The following RPS24 variants were observed in gnomAD, a reference collection of about 807,000 sequenced individuals.
RPS24 encodes the protein ribosomal protein S24, also known as small ribosomal subunit protein eS24.
For synonymous variants in RPS24, 72 were observed against 55.6 expected (o/e 1.30, Z -1.31); for missense variants, 100 against 162.5 (o/e 0.62, Z 2.09).
intron 3 of RPS24, 25 bp downstream of exon 3, chr10:78,035,745 C>T: frequency 6.3e-7 from 1 of 1,578,562 alleles, no homozygotes; most frequent in Non-Finnish European, 8.6e-7. Flanking sequence ...ATTTGTTGAT[C>T]AGCTCCTGAA....
chr10:78,050,921 T>C (rs1848092945), intron 4 of RPS24, among the ~76,000 whole-genome samples: 1 of 152,176 alleles, frequency 6.6e-6, no homozygotes, highest in South Asian at 2.1e-4. Flanking sequence ...GCCCGGCAGG[T>C]GTCTCATGCT....
At chr10:78,052,938 G>A (rs923324781) in intron 4 of RPS24, among the ~76,000 whole-genome samples, 2 of 152,086 alleles carry the variant, frequency 1.3e-5, no homozygotes, top group Admixed American at 6.6e-5. Context: ...GATCACCTGA[G>A]GTCAGGAGTT....
At chr10:78,048,413 G>A (rs1299201120) in intron 4 of RPS24, among the ~76,000 whole-genome samples, 4 of 152,062 alleles carry the variant, frequency 2.6e-5, no homozygotes, top group East Asian at 1.9e-4. Flanking sequence ...CTATACTCTC[G>A]GTGACTGCTC....
intron 1 of RPS24, chr10:78,034,339 G>C (rs1324914976): frequency 4.0e-6 from 1 of 250,508 alleles, no homozygotes; most frequent in African/African-American, 2.2e-5. Context: ...ATTCCCACGT[G>C]TAAGCTAGAA....
At chr10:78,037,794 C>A in intron 4 of RPS24, 1 of 406,388 alleles carries the variant, frequency 2.5e-6, no homozygotes, top group Non-Finnish European at 4.2e-6. Context: ...TAGCGATAAG[C>A]AGCTTTTTAC....
chr10:78,035,357 C>T lies in RPS24; in HGVS notation c.9C>T (p.Asp3=), dbSNP rs557154502. 13 of 1,614,060 alleles carry T rather than the reference C, an allele frequency of 8.1e-6. No individual in the cohort carries two copies. Among genetic ancestry groups the T allele is most frequent in the Non-Finnish European group, 1.1e-5 (13 of 1,179,922 alleles). Residue 3 remains aspartate (D), a synonymous_variant, in exon 2 of 6, where the codon GAC becomes GAT. Coordinates refer to ENST00000372360, the MANE Select transcript of RPS24 (RefSeq NM_033022.4). ...CAGAGTGTTTATGTTTTCAGAACGA[C>T]ACCGTAACTATCCGCACTAGAAAGT... is the stretch of plus-strand genomic sequence containing the variant. MN[D]TVTIRTRKFM...
intron 4 of RPS24, chr10:78,039,678 C>T (rs1490485500): frequency 6.3e-6 from 1 of 159,868 alleles, no homozygotes; most frequent in Non-Finnish European, 1.4e-5. Context: ...AAATTAATGC[C>T]TCTTTTTAAA....
intron 4 of RPS24, among the ~76,000 whole-genome samples, chr10:78,051,950 T>G (rs1848102271): frequency 6.6e-6 from 1 of 152,226 alleles, no homozygotes; most frequent in South Asian, 2.1e-4. Context: ...ATATCCTGGA[T>G]GCAAATCTCT....
At chr10:78,049,463 G>A (rs547482735) in intron 4 of RPS24, among the ~76,000 whole-genome samples, 1 of 152,306 alleles carries the variant, frequency 6.6e-6, no homozygotes, top group South Asian at 2.1e-4. Flanking sequence ...GAACAGTGAG[G>A]TTGCTTATTA....
intron 4 of RPS24, chr10:78,037,916 T>TC (rs1188961652): frequency 2.1e-6 from 2 of 956,106 alleles, no homozygotes; most frequent in African/African-American, 3.5e-5. Context: ...TTTTTTTTTT[T>TC]TTTTTTTTTG....
chr10:78,041,933 G>A (rs573283670), downstream of RPS24, among the ~76,000 whole-genome samples: 32 of 152,346 alleles, frequency 2.1e-4, no homozygotes, highest in Non-Finnish European at 4.4e-4. Flanking sequence ...TGTGCTCAGG[G>A]CAGAAGTTGT....
rs1185471966 is a variant in RPS24 at position 78,035,955 on chromosome 10, TA to T, written c.279+236del. The T allele has an allele frequency of 1.3e-5, 7 of 528,264 alleles. No individual in the cohort carries two copies. In the East Asian group the frequency reaches 1.7e-4, roughly 13 times the overall value. 32.7% of individuals were successfully genotyped at this position (528,264 alleles called of 1,614,324 possible). ...TGAAGTAGTGTTCTTGGAGATGGGC[TA>T]GGGGTAAGGATTGTTTTCCAGAGGA... On this transcript the variant is annotated intron_variant, in intron 3 of 5. Transcript: ENST00000372360.
intron 4 of RPS24, among the ~76,000 whole-genome samples, chr10:78,050,960 G>A (rs901744653): frequency 6.6e-6 from 1 of 152,110 alleles, no homozygotes; most frequent in Non-Finnish European, 1.5e-5. Flanking sequence ...GGAGGCTGAG[G>A]CGAGCAGATC....
chr10:78,040,148 A>T, intron 4 of RPS24, 56 bp from the exon 5 acceptor site: 2 of 1,552,506 alleles, frequency 1.3e-6, no homozygotes, highest in Non-Finnish European at 1.8e-6. Context: ...AGGGACTATT[A>T]ATGAAATCTT....
intron 4 of RPS24, among the ~76,000 whole-genome samples, chr10:78,052,551 C>T (rs1249770376): frequency 6.6e-6 from 1 of 152,168 alleles, no homozygotes; most frequent in African/African-American, 2.4e-5. Context: ...CTCTAGCTGC[C>T]GCCATGGGAG....
chr10:78,041,401 G>C (rs1291151659), downstream of RPS24, among the ~76,000 whole-genome samples: 1 of 152,206 alleles, frequency 6.6e-6, no homozygotes, highest in East Asian at 1.9e-4. Context: ...TTGGAGTTCT[G>C]TTTTCATATC....
chr10:78,034,096 C>G, intron 1 of RPS24, 192 bp downstream of exon 1: 1 of 550,830 alleles, frequency 1.8e-6, no homozygotes, highest in South Asian at 1.6e-5. Context: ...GCTGTAGACC[C>G]GGACACGCTG....
chr10:78,044,737 G>A (rs968486655), downstream of RPS24, among the ~76,000 whole-genome samples: 3 of 150,468 alleles, frequency 2.0e-5, no homozygotes, highest in Non-Finnish European at 4.4e-5. Flanking sequence ...AAGAAACGAA[G>A]CTGGAGAGGT....
At chr10:78,054,900 C>T (rs1466662888) in exon 5 of RPS24, 2 of 1,539,806 alleles carry the variant, frequency 1.3e-6, no homozygotes, top group Non-Finnish European at 1.8e-6. Flanking sequence ...AACCTTGACT[C>T]TGTCACCCCA....
Sources: gnomAD v4.1 joint callset for allele counts (sites outside exome capture counted in the v4.1 genomes callset) on GRCh38, gnomAD v4.1.1 for gene constraint, MANE v1.5 for transcripts, NCBI Gene and HGNC (gene_info 2026-07-23, HGNC 2026-07-21) for gene names.